Variants in RGL1 observed in about 807,000 individuals in gnomAD.
RGL1 encodes ral guanine nucleotide dissociation stimulator like 1.
RGL1 carries 24 observed loss-of-function variants against 95.2 expected under a neutral mutation model. That is an observed-to-expected ratio of 0.25 (90% CI 0.18 to 0.35). The LOEUF is 0.35. Among genes scored for constraint, RGL1 ranks in the 10% least tolerant of loss-of-function variants. RGL1 has a pLI of 1.00. For synonymous variants in RGL1, 329 were observed against 344.9 expected, an observed-to-expected ratio of 0.95 and a Z score of 0.51; for missense variants, 715 against 936.3, an observed-to-expected ratio of 0.76 and a Z score of 3.08.
At chr1:183,808,975 A>C (rs1661522521) in intron 2 of RGL1, among the ~76,000 whole-genome samples, 1 of 152,170 alleles carries the variant, frequency 6.6e-6, no homozygotes, top group Admixed American at 6.5e-5. Flanking sequence ...GCTTTTCCCT[A>C]ATGTTGCAAG....
At chr1:183,816,948 A>G (rs978821169) in intron 2 of RGL1, among the ~76,000 whole-genome samples, 3 of 136,732 alleles carry the variant, frequency 2.2e-5, no homozygotes, top group African/African-American at 5.0e-5. Context: ...TGGTTGTGGG[A>G]AAAAAAAACC....
intron 1 of RGL1, among the ~76,000 whole-genome samples, chr1:183,696,313 C>G (rs1457895781): frequency 6.6e-6 from 1 of 152,184 alleles, no homozygotes; most frequent in Non-Finnish European, 1.5e-5. Flanking sequence ...ATCTCAAACT[C>G]CCTATCAGTC....
In RGL1 at chr1:183,870,239, A is replaced by G. The variant is rs576556363; in HGVS notation, c.425+4166A>G. Among the ~76,000 whole-genome samples, 10 of 152,162 alleles carry G rather than the reference A, an allele frequency of 6.6e-5. No homozygotes were observed. The South Asian group carries it at 1.9e-3, about 28-fold the overall frequency. On this transcript the variant is annotated intron_variant, in intron 4 of 17. Transcript: ENST00000360851. ...AGTGTCCCAGTCTGACGTGACTGCT[A>G]CGTAGTACCTGGACGGCCTCTTTCT...
chr1:183,724,889 T>C lies in RGL1; in HGVS notation c.-32-17237T>C, dbSNP rs1231076966. On this transcript the variant is annotated intron_variant, in intron 1 of 18. Coordinates refer to the RGL1 transcript ENST00000304685. This position sits in a 1 kb window ranked among gnomAD's most constrained non-coding sequence, Gnocchi z 4.1. The stretch of plus-strand genomic sequence containing the variant: ...GGCCCAGAGCTCTGCTGGCTTCAGG[T>C]CTAACCTAGCACAGTCCCAGTGGTA... Among the ~76,000 whole-genome samples the C allele has an allele frequency of 6.6e-6, 1 of 151,870 alleles. No homozygotes were observed. Among genetic ancestry groups the C allele is most frequent in the African/African-American group, 2.4e-5 (1 of 41,298 alleles).
At chr1:183,723,103 T>C (rs900095569) in intron 1 of RGL1, among the ~76,000 whole-genome samples, 1 of 152,114 alleles carries the variant, frequency 6.6e-6, no homozygotes, top group Non-Finnish European at 1.5e-5. Context: ...ATGTAAAATA[T>C]TGTAATGTTT....
Position 183,868,964 on chromosome 1 carries a change from A to T in RGL1, c.425+2891A>T, listed in dbSNP as rs894327565. Among the ~76,000 whole-genome samples the T allele has an allele frequency of 4.6e-5, 7 of 152,134 alleles. No individual in the cohort carries two copies. In the East Asian group the frequency reaches 7.7e-4, roughly 17 times the overall value. ...ACTCTGTCTCTACAAAAATTTTTTT[A>T]AAAAATTGCTGGATGTGGTGGCACA... On this transcript the variant is annotated intron_variant, in intron 4 of 17. Transcript: ENST00000360851.
chr1:183,636,799 G>T (rs553683275), intron 1 of RGL1, among the ~76,000 whole-genome samples: 1 of 152,176 alleles, frequency 6.6e-6, no homozygotes. Flanking sequence ...CCCATTTCTG[G>T]AATGTAGGAG....
chr1:183,719,752 A>G (rs1466562863), intron 1 of RGL1, among the ~76,000 whole-genome samples: 1 of 152,176 alleles, frequency 6.6e-6, no homozygotes, highest in Non-Finnish European at 1.5e-5. Context: ...ATAAAAATAC[A>G]AAAATTAGCT....
At chr1:183,889,968 T>G (rs1242033108) in intron 8 of RGL1, among the ~76,000 whole-genome samples, 1 of 152,160 alleles carries the variant, frequency 6.6e-6, no homozygotes, top group Non-Finnish European at 1.5e-5. Flanking sequence ...TGGTTGATTT[T>G]CCTCTGCACA....
At chr1:183,742,067 T>A in intron 1 of RGL1, 1 of 1,416,720 alleles carries the variant, frequency 7.1e-7, no homozygotes. Context: ...TTTGCTTCGA[T>A]GTCTCTTTTA....
At chr1:183,881,375 C>T (rs1156359347) in intron 5 of RGL1, among the ~76,000 whole-genome samples, 1 of 152,188 alleles carries the variant, frequency 6.6e-6, no homozygotes, top group Non-Finnish European at 1.5e-5. Context: ...CTATAAGGGC[C>T]TCATCAAAGG....
chr1:183,914,104 A>G (rs1668821488), intron 15 of RGL1, among the ~76,000 whole-genome samples: 1 of 152,184 alleles, frequency 6.6e-6, no homozygotes, highest in Non-Finnish European at 1.5e-5. Context: ...TTCTGATGGT[A>G]GACATTGTAG....
chr1:183,695,198 T>C (rs913861521), intron 1 of RGL1, among the ~76,000 whole-genome samples: 3 of 152,248 alleles, frequency 2.0e-5, no homozygotes, highest in Non-Finnish European at 4.4e-5. Flanking sequence ...ACAGCGAGGA[T>C]GCCAAAAAGT....
intron 5 of RGL1, 75 bp from the exon 6 acceptor site, chr1:183,883,711 G>T: frequency 6.5e-7 from 1 of 1,545,628 alleles, no homozygotes; most frequent in East Asian, 2.3e-5. Flanking sequence ...TAAACAAGGA[G>T]TAAAGTCTGA....
chr1:183,853,486 G>A (rs1308992654), intron 3 of RGL1, among the ~76,000 whole-genome samples: 2 of 152,174 alleles, frequency 1.3e-5, no homozygotes, highest in East Asian at 1.9e-4. Context: ...AATTCTCCCA[G>A]TGGAGGACAT....
intron 2 of RGL1, among the ~76,000 whole-genome samples, chr1:183,771,187 CTGTT>C (rs1659253367): frequency 6.6e-6 from 1 of 152,100 alleles, no homozygotes; most frequent in African/African-American, 2.4e-5. Context: ...TTAGCCCTCT[CTGTT>C]TGGCTCCGAG....
intron 1 of RGL1, among the ~76,000 whole-genome samples, chr1:183,645,996 T>C (rs924510761): frequency 6.6e-6 from 1 of 152,230 alleles, no homozygotes; most frequent in African/African-American, 2.4e-5. Context: ...CAGTTCATCA[T>C]CTATTTCAGA....
At chr1:183,661,204 A>T (rs1001074313) in intron 1 of RGL1, among the ~76,000 whole-genome samples, 37 of 152,168 alleles carry the variant, frequency 2.4e-4, no homozygotes, top group Non-Finnish European at 4.3e-4. Flanking sequence ...AAATAACTAA[A>T]ATCAGAGCAG....
intron 2 of RGL1, among the ~76,000 whole-genome samples, chr1:183,811,048 T>C (rs903605591): frequency 6.6e-6 from 1 of 152,222 alleles, no homozygotes; most frequent in Non-Finnish European, 1.5e-5. Flanking sequence ...ATATTGTTTT[T>C]ATAAGTATGA....
Sources: allele counts gnomAD v4.1 joint callset (sites outside exome capture counted in the v4.1 genomes callset), GRCh38; gene constraint gnomAD v4.1.1; non-coding constraint Gnocchi (gnomAD v3.1); transcripts MANE v1.5; gene names NCBI Gene and HGNC (gene_info 2026-07-23, HGNC 2026-07-21).